The following BCKDHB variants were observed in gnomAD, a reference collection of about 807,000 sequenced individuals.
The protein encoded by BCKDHB is branched chain keto acid dehydrogenase E1 subunit beta, also known as 2-oxoisovalerate dehydrogenase subunit beta, mitochondrial.
A neutral mutation model predicts 48.5 loss-of-function variants in BCKDHB; 41 were observed. The ratio of observed to expected loss-of-function variants is 0.85; its 90% CI spans 0.66 to 1.10. The LOEUF (loss-of-function observed/expected upper bound fraction) is 1.10. Among genes scored for constraint, BCKDHB ranks in the 50% least tolerant of loss-of-function variants. BCKDHB has a pLI of 0.00. For missense variants in BCKDHB, 496 were observed against 494.2 expected (o/e 1.00, Z -0.03); for synonymous variants, 201 against 174.8 (o/e 1.15, Z -1.18).
chr6:80,373,072 TGG>T, the BCKDHB span, among the ~76,000 whole-genome samples: 3 of 152,148 alleles, frequency 2.0e-5, no homozygotes, highest in Non-Finnish European at 4.4e-5. Flanking sequence ...TGAATCCATC[TGG>T]TCCTGGAATT....
At chr6:80,304,422 A>G (rs1465607712) in intron 9 of BCKDHB, among the ~76,000 whole-genome samples, 1 of 152,192 alleles carries the variant, frequency 6.6e-6, no homozygotes, top group African/African-American at 2.4e-5. Context: ...AGGTGACTCA[A>G]GAAGAAAAAG....
intron 1 of BCKDHB, among the ~76,000 whole-genome samples, chr6:80,111,153 T>C (rs73477985): frequency 0.072 from 10,952 of 152,286 alleles, 591 homozygotes; most frequent in South Asian, 0.24. Context: ...TTTCCTTCCA[T>C]TCCCATAATG....
intron 9 of BCKDHB, among the ~76,000 whole-genome samples, chr6:80,338,769 A>G (rs552504952): frequency 2.0e-5 from 3 of 152,242 alleles, no homozygotes; most frequent in Admixed American, 6.5e-5. Context: ...CATGTCAGGC[A>G]TGAAACCAGG....
intron 6 of BCKDHB, among the ~76,000 whole-genome samples, chr6:80,186,770 G>T (rs914746510): frequency 1.3e-5 from 2 of 152,212 alleles, no homozygotes; most frequent in African/African-American, 4.8e-5. Context: ...GCCGGGAACT[G>T]GGAGTGCCTA....
intron 8 of BCKDHB, among the ~76,000 whole-genome samples, chr6:80,263,897 A>G (rs927675836): frequency 2.0e-5 from 3 of 152,264 alleles, no homozygotes; most frequent in Non-Finnish European, 2.9e-5. Context: ...ATGGCCAGAC[A>G]TAGTATTTCC....
intron 6 of BCKDHB, among the ~76,000 whole-genome samples, chr6:80,183,664 G>A (rs1181903573): frequency 1.3e-5 from 2 of 152,126 alleles, no homozygotes; most frequent in African/African-American, 4.8e-5. Flanking sequence ...TCTGTGGGTT[G>A]TATGATGACA....
At chr6:80,458,732 C>T in the BCKDHB span, among the ~76,000 whole-genome samples, 1 of 152,100 alleles carries the variant, frequency 6.6e-6, no homozygotes. Context: ...TGTTTGATTA[C>T]ATGTGGACAT....
intron 8 of BCKDHB, among the ~76,000 whole-genome samples, chr6:80,253,956 A>T (rs1057072379): frequency 6.6e-6 from 1 of 151,964 alleles, no homozygotes; most frequent in African/African-American, 2.4e-5. Flanking sequence ...TAATTAATTA[A>T]GCAACATTTC....
chr6:80,138,563 G>A (rs995074435), intron 3 of BCKDHB, among the ~76,000 whole-genome samples: 11 of 152,024 alleles, frequency 7.2e-5, no homozygotes, highest in South Asian at 2.1e-4. Context: ...TTGTTCTTGC[G>A]ATAGTTTACT....
At chr6:80,236,858 A>G (rs1460466726) in intron 8 of BCKDHB, among the ~76,000 whole-genome samples, 1 of 152,222 alleles carries the variant, frequency 6.6e-6, no homozygotes, top group African/African-American at 2.4e-5. Flanking sequence ...TTGGAAAAAT[A>G]CAGAATTTTG....
At chr6:80,194,473 A>G (rs937568966) in intron 6 of BCKDHB, among the ~76,000 whole-genome samples, 2 of 152,128 alleles carry the variant, frequency 1.3e-5, no homozygotes, top group African/African-American at 4.8e-5. Context: ...CTGAGATTCT[A>G]TCCAGAGTCT....
intron 5 of BCKDHB, among the ~76,000 whole-genome samples, chr6:80,169,563 C>G (rs3805926): frequency 0.36 from 55,104 of 151,846 alleles, 11,922 homozygotes; most frequent in East Asian, 0.56. Context: ...GAAGCATCTC[C>G]TTTTTATAAC....
the BCKDHB span, among the ~76,000 whole-genome samples, chr6:80,400,493 A>G: frequency 1.4e-3 from 212 of 152,242 alleles, no homozygotes; most frequent in African/African-American, 4.5e-3. Flanking sequence ...TGATCATTAG[A>G]AAAATGCAAA....
chr6:80,421,022 A>T, the BCKDHB span, among the ~76,000 whole-genome samples: 1 of 151,972 alleles, frequency 6.6e-6, no homozygotes, highest in Non-Finnish European at 1.5e-5. Context: ...TCTCAGCTAA[A>T]CTCTGGGGCT....
At chr6:80,220,114 T>C (rs555928069) in intron 8 of BCKDHB, among the ~76,000 whole-genome samples, 2 of 152,186 alleles carry the variant, frequency 1.3e-5, no homozygotes, top group South Asian at 2.1e-4. Flanking sequence ...AAAAAACTCT[T>C]AGCAGTTGTA....
the BCKDHB span, chr6:80,374,107 G>A: frequency 4.3e-6 from 3 of 704,300 alleles, no homozygotes; most frequent in Non-Finnish European, 7.9e-6. Flanking sequence ...GGAGCAATCT[G>A]TTCCTTTTCA....
the BCKDHB span, among the ~76,000 whole-genome samples, chr6:80,416,996 T>C: frequency 6.6e-6 from 1 of 152,126 alleles, no homozygotes; most frequent in Non-Finnish European, 1.5e-5. Flanking sequence ...TAAGTCTCTT[T>C]AAAGCTTTCT....
At chr6:80,411,222 G>A in the BCKDHB span, among the ~76,000 whole-genome samples, 3 of 152,168 alleles carry the variant, frequency 2.0e-5, no homozygotes, top group African/African-American at 4.8e-5. Flanking sequence ...GTCTGTTGGA[G>A]TTTGCTGGAG....
At chr6:80,418,833 C>G in the BCKDHB span, among the ~76,000 whole-genome samples, 26 of 152,288 alleles carry the variant, frequency 1.7e-4, no homozygotes, top group Middle Eastern at 6.8e-3. Context: ...GTTCCTGCCT[C>G]TCTGTGGGTG....
Sources: allele counts gnomAD v4.1 joint callset (sites outside exome capture counted in the v4.1 genomes callset), GRCh38; gene constraint gnomAD v4.1.1; transcripts MANE v1.5; gene names NCBI Gene and HGNC (gene_info 2026-07-23, HGNC 2026-07-21).